The following CIP2A variants were observed in gnomAD, a reference collection of about 807,000 sequenced individuals.
CIP2A encodes the protein cellular inhibitor of PP2A, also known as protein CIP2A.
CIP2A carries 103 observed loss-of-function variants against 110.9 expected under a neutral mutation model. The observed-to-expected ratio is 0.93, with a 90% confidence interval of 0.79 to 1.09. The LOEUF is 1.09. Ranked by LOEUF, CIP2A falls within the 50% of genes least tolerant of loss-of-function variation. The pLI is 0.00. For missense variants in CIP2A, 1,088 were observed against 1,038.4 expected, an observed-to-expected ratio of 1.05 and a Z score of -0.66; for synonymous variants, 381 against 361.6, an observed-to-expected ratio of 1.05 and a Z score of -0.61.
intron 12 of CIP2A, among the ~76,000 whole-genome samples, chr3:108,564,024 T>C (rs1342049057): frequency 6.6e-6 from 1 of 152,022 alleles, no homozygotes; most frequent in Non-Finnish European, 1.5e-5. Flanking sequence ...AACATCAGTT[T>C]GACTCCTTTA....
chr3:108,565,674 G>C (rs1938156743), intron 11 of CIP2A, among the ~76,000 whole-genome samples: 1 of 151,822 alleles, frequency 6.6e-6, no homozygotes, highest in Non-Finnish European at 1.5e-5. Context: ...AGTTTAGACA[G>C]TGTTTCTTTT....
rs2083876583 is a variant in CIP2A, at chr3:108,550,019, T to C, written c.*1130A>G. ...AAAATGTTTTACTCTGCATAATATTTTTTAAAAAATTTCCAGAACTGTACA... is the reference window on the plus strand; with the variant it reads ...AAAATGTTTTACTCTGCATAATATTCTTTAAAAAATTTCCAGAACTGTACA... On this transcript the variant is annotated 3_prime_UTR_variant, in exon 21 of 21. Transcript: ENST00000295746. 1 of 152,000 alleles carries C rather than the reference T, an allele frequency of 6.6e-6. No individual in the cohort carries two copies. Among genetic ancestry groups the C allele is most frequent in the Non-Finnish European group, 1.5e-5 (1 of 67,912 alleles). The allele number at this position is 152,000 out of a possible 1,614,324, so 9.4% of individuals were successfully genotyped here. A position where few individuals can be genotyped will look rare whatever the true frequency, so the allele number is the denominator to read the frequency against.
chr3:108,566,439 CCA>C, intron 11 of CIP2A, 56 bp downstream of exon 11: 1 of 1,378,548 alleles, frequency 7.3e-7, no homozygotes, highest in Non-Finnish European at 1.0e-6. Context: ...ATGAGAATCA[CCA>C]CATCTTTCGA....
chr3:108,566,462 C>A (rs368507472), intron 11 of CIP2A, 35 bp downstream of exon 11: 23 of 1,560,912 alleles, frequency 1.5e-5, no homozygotes, highest in Non-Finnish European at 1.9e-5. Flanking sequence ...TTTTTTACTG[C>A]CTTGCCATTT....
intron 19 of CIP2A, among the ~76,000 whole-genome samples, chr3:108,553,121 G>GTTTTTTTTTTTTTTTTTT (rs768832281): frequency 1.5e-5 from 1 of 67,156 alleles, no homozygotes; most frequent in Non-Finnish European, 2.7e-5. Context: ...CTTTCCTTTT[G>GTTTTTTTTTTTTTTTTTT]TTTTTTTTTT....
chr3:108,556,997 G>C (rs772297806), intron 17 of CIP2A, among the ~76,000 whole-genome samples: 13 of 152,200 alleles, frequency 8.5e-5, no homozygotes, highest in South Asian at 2.1e-4. Flanking sequence ...ATACATAAAA[G>C]AAGTCAACTG....
In CIP2A at chr3:108,557,417, C is replaced by CAAA; in HGVS notation, c.2014-6_2014-4dup. Reference sequence around the variant, plus strand: ...AACATACTAGCAAGTGTCCGTGCCTCAAAAAAAAAAAGAAGATAGACTTTA... The same window carrying CAAA: ...AACATACTAGCAAGTGTCCGTGCCTCAAAAAAAAAAAAAAGAAGATAGACTTTA... On this transcript the variant is annotated splice_polypyrimidine_tract_variant and splice_region_variant and intron_variant, in intron 16 of 20. Coordinates refer to ENST00000295746, the MANE Select transcript of CIP2A (RefSeq NM_020890.3). The CAAA allele has an allele frequency of 9.1e-6, 11 of 1,211,348 alleles. No individual in the cohort carries two copies. Among genetic ancestry groups the CAAA allele is most frequent in the East Asian group, 2.9e-5 (1 of 34,320 alleles). 75.0% of individuals were successfully genotyped at this position (1,211,348 alleles called of 1,614,324 possible). A position where few individuals can be genotyped will look rare whatever the true frequency, so the allele number is the denominator to read the frequency against.
chr3:108,576,623 ATTAAAATTTT>A (rs1938662602), intron 7 of CIP2A, among the ~76,000 whole-genome samples: 1 of 152,218 alleles, frequency 6.6e-6, no homozygotes, highest in Non-Finnish European at 1.5e-5. Flanking sequence ...ACACATCACT[ATTAAAATTTT>A]CAGTGTCTCA....
chr3:108,553,412 G>C (rs1306576876), intron 19 of CIP2A, among the ~76,000 whole-genome samples: 1 of 151,892 alleles, frequency 6.6e-6, no homozygotes, highest in African/African-American at 2.4e-5. Flanking sequence ...ACAGGAGTGA[G>C]CCACTGTGCC....
At chr3:108,582,620 G>A (rs1938919225) in intron 3 of CIP2A, among the ~76,000 whole-genome samples, 1 of 152,160 alleles carries the variant, frequency 6.6e-6, no homozygotes, top group South Asian at 2.1e-4. Context: ...TCTATCTACA[G>A]CTTTAATTTT....
At chr3:108,572,061 T>A (rs1410126101) in intron 8 of CIP2A, among the ~76,000 whole-genome samples, 3 of 152,220 alleles carry the variant, frequency 2.0e-5, no homozygotes, top group Admixed American at 2.0e-4. Context: ...GATATATACA[T>A]ACAATGTAGA....
chr3:108,587,209 T>A (rs1283902499), intron 1 of CIP2A, among the ~76,000 whole-genome samples: 1 of 152,086 alleles, frequency 6.6e-6, no homozygotes, highest in Non-Finnish European at 1.5e-5. Context: ...TGTGCATATA[T>A]CCACAAAAAA....
At chr3:108,571,332 TG>T (rs2107342831) in intron 8 of CIP2A, among the ~76,000 whole-genome samples, 1 of 152,272 alleles carries the variant, frequency 6.6e-6, no homozygotes, top group African/African-American at 2.4e-5. Context: ...TCAGTAGGTT[TG>T]TTTACACCAG....
chr3:108,581,569 T>A, intron 4 of CIP2A, 58 bp from the exon 5 acceptor site: 2 of 1,017,556 alleles, frequency 2.0e-6, no homozygotes, highest in Non-Finnish European at 3.0e-6. Context: ...AAAAAAGCAT[T>A]AACATTATTC....
chr3:108,570,649 C>T (rs777209068), intron 8 of CIP2A, among the ~76,000 whole-genome samples: 3 of 152,044 alleles, frequency 2.0e-5, no homozygotes, highest in African/African-American at 7.2e-5. Flanking sequence ...AAACGGTACA[C>T]CTGTATAGGA....
At position 108,579,558 on chromosome 3, in the gene CIP2A, G is replaced by C. The variant is rs533805606; in HGVS notation, c.672+8C>G. 1.9e-6 allele frequency: 3 copies of C among 1,577,466 alleles called. No individual in the cohort carries two copies. Among genetic ancestry groups the C allele is most frequent in the African/African-American group, 2.7e-5 (2 of 73,002 alleles). The stretch of plus-strand genomic sequence containing the variant: ...AACTTCAGAATAAATTTGAAAAATT[G>C]TATTTACCTTTTCCCCCACCTCTTC... On this transcript the variant is annotated splice_region_variant and intron_variant, in intron 6 of 20. Transcript: ENST00000295746.
chr3:108,553,538 A>G, intron 19 of CIP2A, 110 bp downstream of exon 19: 5 of 961,936 alleles, frequency 5.2e-6, no homozygotes, highest in Non-Finnish European at 6.0e-6. Flanking sequence ...TCCAAATATG[A>G]TTTAAAGTTT....
intron 8 of CIP2A, among the ~76,000 whole-genome samples, chr3:108,571,274 T>C (rs1161058925): frequency 6.6e-6 from 1 of 152,196 alleles, no homozygotes; most frequent in African/African-American, 2.4e-5. Context: ...AAATACTATG[T>C]ACTGTATACA....
intron 7 of CIP2A, among the ~76,000 whole-genome samples, chr3:108,578,544 CTG>C (rs1184489679): frequency 6.6e-6 from 1 of 152,168 alleles, no homozygotes; most frequent in Non-Finnish European, 1.5e-5. Context: ...ACATCAGGGA[CTG>C]TGTCTTCAAA....
Sources: allele counts gnomAD v4.1 joint callset (sites outside exome capture counted in the v4.1 genomes callset), GRCh38; gene constraint gnomAD v4.1.1; transcripts MANE v1.5; gene names NCBI Gene and HGNC (gene_info 2026-07-23, HGNC 2026-07-21).